Variants in DRG1 observed in about 807,000 individuals in gnomAD.
DRG1 encodes the protein developmentally regulated GTP binding protein 1.
DRG1 carries 19 observed loss-of-function variants against 38.8 expected under a neutral mutation model. The observed-to-expected ratio is 0.49, with a 90% CI of 0.34 to 0.72. The LOEUF (loss-of-function observed/expected upper bound fraction) is 0.72, where lower values mean the gene tolerates loss of function less well. DRG1 is among the 30% of genes least tolerant of loss of function. The pLI is 0.01. For missense variants in DRG1, 299 were observed against 444.8 expected (o/e 0.67, Z 2.95); for synonymous variants, 167 against 157.5 (o/e 1.06, Z -0.45).
chr22:31,404,676 C>T (rs1374974912), intron 3 of DRG1, among the ~76,000 whole-genome samples: 1 of 152,130 alleles, frequency 6.6e-6, no homozygotes, highest in Non-Finnish European at 1.5e-5. Flanking sequence ...GGCTAGAGTG[C>T]AGTGGCATGA....
intron 3 of DRG1, among the ~76,000 whole-genome samples, chr22:31,403,989 T>C (rs2049976546): frequency 6.7e-6 from 1 of 148,860 alleles, no homozygotes; most frequent in African/African-American, 2.5e-5. Context: ...TTTTTTTTTT[T>C]TTTTTTTTTT....
chr22:31,403,717 T>C (rs892082643), intron 3 of DRG1, among the ~76,000 whole-genome samples: 2 of 151,896 alleles, frequency 1.3e-5, no homozygotes, highest in Non-Finnish European at 2.9e-5. Flanking sequence ...CTCCTGACCT[T>C]GTGATCCGCC....
intron 8 of DRG1, among the ~76,000 whole-genome samples, chr22:31,432,901 A>AT (rs1166507717): frequency 6.6e-6 from 1 of 151,938 alleles, no homozygotes; most frequent in African/African-American, 2.4e-5. Context: ...CAATGATAAT[A>AT]TAACAACAAT....
chr22:31,425,038 T>G (rs933352794), intron 6 of DRG1, among the ~76,000 whole-genome samples: 11 of 151,950 alleles, frequency 7.2e-5, no homozygotes, highest in African/African-American at 2.7e-4. Context: ...TCAGGCAGTC[T>G]GCCTGCCTCT....
chr22:31,428,889 AATG>A (rs1394439176), intron 8 of DRG1, among the ~76,000 whole-genome samples: 3 of 152,320 alleles, frequency 2.0e-5, no homozygotes, highest in East Asian at 1.9e-4. Context: ...CCACAAAAAT[AATG>A]ATATGTTCTT....
chr22:31,423,996 CT>C (rs1370858888), intron 6 of DRG1, among the ~76,000 whole-genome samples: 1 of 150,682 alleles, frequency 6.6e-6, no homozygotes, highest in Non-Finnish European at 1.5e-5. Context: ...TCCTGAGTAG[CT>C]GGGATTACAG....
At chr22:31,408,604 T>C (rs1297803525) in intron 3 of DRG1, among the ~76,000 whole-genome samples, 1 of 151,434 alleles carries the variant, frequency 6.6e-6, no homozygotes, top group Non-Finnish European at 1.5e-5. Flanking sequence ...ATAAAAAAAA[T>C]TGGTGGGGCA....
At chr22:31,426,081 A>T (rs2050108690) in intron 6 of DRG1, among the ~76,000 whole-genome samples, 1 of 152,200 alleles carries the variant, frequency 6.6e-6, no homozygotes, top group Non-Finnish European at 1.5e-5. Context: ...GTCTTTAAGT[A>T]TAAATTATGT....
chr22:31,410,986 C>G (rs1371485198), intron 3 of DRG1, 26 bp from the exon 4 acceptor site: 2 of 1,610,542 alleles, frequency 1.2e-6, no homozygotes, highest in Non-Finnish European at 1.7e-6. Context: ...TTCTTTCATC[C>G]TCTTCCCCCA....
At chr22:31,405,250 C>T (rs2049982642) in intron 3 of DRG1, among the ~76,000 whole-genome samples, 3 of 151,448 alleles carry the variant, frequency 2.0e-5, no homozygotes. Flanking sequence ...TCACTGCAAC[C>T]TCTGCCTCCA....
chr22:31,416,286 A>G (rs1212829749), intron 4 of DRG1, among the ~76,000 whole-genome samples: 1 of 152,184 alleles, frequency 6.6e-6, no homozygotes, highest in Non-Finnish European at 1.5e-5. Context: ...CAAGAAAGCA[A>G]ACAAAAAAAA....
At chr22:31,432,077 CT>C (rs895869624) in intron 8 of DRG1, among the ~76,000 whole-genome samples, 8 of 146,700 alleles carry the variant, frequency 5.5e-5, no homozygotes, top group African/African-American at 1.8e-4. Flanking sequence ...GCACAACTAT[CT>C]TTTTGGTTTT....
intron 4 of DRG1, among the ~76,000 whole-genome samples, chr22:31,415,206 A>G (rs2050037906): frequency 6.6e-6 from 1 of 152,224 alleles, no homozygotes; most frequent in Non-Finnish European, 1.5e-5. Flanking sequence ...ACATGTGACT[A>G]ACATTTAATT....
At chr22:31,412,938 C>G (rs1368149020) in intron 4 of DRG1, among the ~76,000 whole-genome samples, 1 of 151,806 alleles carries the variant, frequency 6.6e-6, no homozygotes, top group Non-Finnish European at 1.5e-5. Context: ...TTCCATCTCC[C>G]TTTCCTGGTG....
At chr22:31,412,098 T>G (rs1213122489) in intron 4 of DRG1, among the ~76,000 whole-genome samples, 1 of 151,542 alleles carries the variant, frequency 6.6e-6, no homozygotes, top group Non-Finnish European at 1.5e-5. Flanking sequence ...GAGACAATCC[T>G]GGCTAACACA....
At chr22:31,418,082 G>T (rs1156383551) in intron 4 of DRG1, among the ~76,000 whole-genome samples, 1 of 151,894 alleles carries the variant, frequency 6.6e-6, no homozygotes, top group African/African-American at 2.4e-5. Flanking sequence ...AGATCATGAG[G>T]TCAGGAGTTC....
At chr22:31,419,177 C>T (rs1420361690) in intron 4 of DRG1, among the ~76,000 whole-genome samples, 1 of 151,976 alleles carries the variant, frequency 6.6e-6, no homozygotes, top group Non-Finnish European at 1.5e-5. Flanking sequence ...GTGACTCATG[C>T]CTGCAGTCTC....
At chr22:31,417,985 C>T (rs1366100325) in intron 4 of DRG1, among the ~76,000 whole-genome samples, 1 of 145,082 alleles carries the variant, frequency 6.9e-6, no homozygotes, top group Non-Finnish European at 1.5e-5. Context: ...GAAACTCCAT[C>T]TCAAAAAAAA....
chr22:31,430,409 T>G (rs910973359), intron 8 of DRG1, among the ~76,000 whole-genome samples: 1 of 151,448 alleles, frequency 6.6e-6, no homozygotes, highest in East Asian at 1.9e-4. Flanking sequence ...TTTTTTTTTT[T>G]CTTTTTTTGA....
Sources: allele counts gnomAD v4.1 joint callset (sites outside exome capture counted in the v4.1 genomes callset), GRCh38; gene constraint gnomAD v4.1.1; transcripts MANE v1.5; gene names NCBI Gene and HGNC (gene_info 2026-07-23, HGNC 2026-07-21).